The following SARDH variants were observed in gnomAD, a reference collection of about 807,000 sequenced individuals.
SARDH encodes the protein sarcosine dehydrogenase, also known as sarcosine dehydrogenase, mitochondrial.
Under a neutral mutation model 109.1 loss-of-function variants are expected in SARDH, and 95 were observed. That is an observed-to-expected ratio of 0.87 (90% CI 0.74 to 1.03). The LOEUF is 1.03. SARDH is among the 50% of genes least tolerant of loss of function. SARDH has a pLI of 0.00. For missense variants in SARDH, 1,267 were observed against 1,287.8 expected, an observed-to-expected ratio of 0.98 and a Z score of 0.25; for synonymous variants, 572 against 534.8, an observed-to-expected ratio of 1.07 and a Z score of -0.96.
At position 133,730,104 on chromosome 9, in the gene SARDH, C is replaced by T. The variant is rs769685530; in HGVS notation, c.774G>A (p.Gln258=). 1 of 1,614,234 alleles carries T rather than the reference C, an allele frequency of 6.2e-7. No individual in the cohort carries two copies. The highest frequency in any genetic ancestry group is 1.1e-5 in the South Asian group (1 of 91,088). The change falls in exon 5 of 21, where the codon CAG becomes CAA. Residue 258 remains glutamine, a synonymous_variant. Transcript: ENST00000439388. The part of the protein sequence containing the change: ...GVRRVAGVET[Q]HGSIQTPCVV... ...CGCAGGGTGTCTGGATGGAACCATG[C>T]TGAGTCTCCACACCCGCGACCCGCC...
Position 133,692,954 on chromosome 9 carries a change from G to A in SARDH, c.1921+1304C>T, listed in dbSNP as rs2131387878. Among the ~76,000 whole-genome samples, 1 of 152,088 alleles carries A rather than the reference G, an allele frequency of 6.6e-6. No individual in the cohort carries two copies. Among genetic ancestry groups the A allele is most frequent in the Middle Eastern group, 3.4e-3 (1 of 292 alleles). ...TCCGCCACCAGCCTCCAGACCGCAG[G>A]GCTCACCTCACTACTCCCTGCTTTT... is the stretch of plus-strand genomic sequence containing the variant. On this transcript the variant is annotated intron_variant, in intron 15 of 20. Transcript: ENST00000439388. The surrounding 1 kb of genome is among the most constrained non-coding windows in gnomAD (Gnocchi z 5.0).
At chr9:133,695,264 G>A (rs761546872) in intron 14 of SARDH, among the ~76,000 whole-genome samples, 8 of 152,060 alleles carry the variant, frequency 5.3e-5, no homozygotes, top group African/African-American at 9.7e-5. Flanking sequence ...CCAATATGGC[G>A]AAACCCCGTC....
At position 133,734,311 on chromosome 9, in the gene SARDH, TCTTGC is replaced by T. The variant is rs1832792354; in HGVS notation, c.-30-113_-30-109del. ...ATGGTGTTACCTCCCAGGGCCTTCC[TCTTGC>T]CACTTCCCCATGGCATTCATTCATT... is the stretch of plus-strand genomic sequence containing the variant. On this transcript the variant is annotated intron_variant, in intron 1 of 20. Transcript: ENST00000439388. 5.5e-5 allele frequency: 31 copies of T among 562,264 alleles called. No homozygotes were observed. The South Asian group carries it at 1.2e-3, about 21-fold the overall frequency. 34.8% of individuals were successfully genotyped at this position (562,264 alleles called of 1,614,324 possible). A position where few individuals can be genotyped will look rare whatever the true frequency, so the allele number is the denominator to read the frequency against.
chr9:133,694,599 C>T (rs550203981), intron 14 of SARDH, among the ~76,000 whole-genome samples: 2 of 152,332 alleles, frequency 1.3e-5, no homozygotes, highest in South Asian at 4.1e-4. Context: ...ATCCCATCAC[C>T]GTCACCCTTG....
chr9:133,668,307 C>CA (rs1346042533), intron 19 of SARDH, among the ~76,000 whole-genome samples: 11 of 134,186 alleles, frequency 8.2e-5, no homozygotes, highest in Non-Finnish European at 8.1e-5. Context: ...CCCTCTCCCT[C>CA]CCTCTCCCCC....
chr9:133,727,932 T>C (rs777595311), intron 6 of SARDH, among the ~76,000 whole-genome samples: 11 of 152,060 alleles, frequency 7.2e-5, no homozygotes, highest in Admixed American at 2.0e-4. Context: ...GTGGACATTC[T>C]GTGGCCACCC....
At position 133,732,496 on chromosome 9, in the gene SARDH, C is replaced by A; in HGVS notation, c.437G>T (p.Gly146Val). The A allele has an allele frequency of 6.2e-7, 1 of 1,613,824 alleles. No individual in the cohort carries two copies. The highest frequency in any genetic ancestry group is 8.5e-7 in the Non-Finnish European group (1 of 1,179,892). Residue 146 changes from glycine to valine, a missense_variant, in exon 3 of 21, where the codon GGC becomes GTC. Gly to Val is a moderately radical substitution (Grantham distance 109). Coordinates refer to ENST00000439388, the MANE Select transcript of SARDH (RefSeq NM_001134707.2). ...GAAGAGGCCCCCATTCTGGATCCAG[C>A]CCGTGTGTAGTCCCGTCTCCTCCTC... is the stretch of plus-strand genomic sequence containing the variant. Reference protein sequence around the residue: ...ELEEETGLHTGWIQNGGLFIA... With the variant: ...ELEEETGLHTVWIQNGGLFIA...
rs1306792414 is a variant in SARDH at position 133,709,306 on chromosome 9, G to A, written c.1329-878C>T. Among the ~76,000 whole-genome samples the A allele has an allele frequency of 1.3e-5, 2 of 152,080 alleles. No homozygotes were observed. The highest frequency in any genetic ancestry group is 2.4e-5 in the African/African-American group (1 of 41,404). ...GTGGGCAGAGCAATCAGTGCCCCGC[G>A]GCTTGTTCCCTGGTCTCCTCAGACC... is the stretch of plus-strand genomic sequence containing the variant. On this transcript the variant is annotated intron_variant, in intron 10 of 20. Transcript: ENST00000439388. The surrounding 1 kb of genome is among the most constrained non-coding windows in gnomAD (Gnocchi z 4.2).
intron 6 of SARDH, among the ~76,000 whole-genome samples, chr9:133,723,635 C>A (rs2502758): frequency 0.31 from 47,279 of 152,044 alleles, 7,664 homozygotes; most frequent in Non-Finnish European, 0.35. Flanking sequence ...TGGTAGCAGG[C>A]ACCTGTAGTC....
At chr9:133,671,005 T>C (rs2797843) in intron 18 of SARDH, among the ~76,000 whole-genome samples, 86,796 of 151,734 alleles carry the variant, frequency 0.57, 25,585 homozygotes, top group East Asian at 0.79. Context: ...GGGAGGGGCT[T>C]GTGAAGGGGG....
intron 6 of SARDH, among the ~76,000 whole-genome samples, chr9:133,721,528 A>G (rs1321607696): frequency 2.0e-5 from 3 of 152,146 alleles, no homozygotes; most frequent in Non-Finnish European, 2.9e-5. Flanking sequence ...TCCAGCGGGG[A>G]GGCGTGAAGA....
intron 11 of SARDH, 74 bp from the exon 12 acceptor site, chr9:133,705,105 G>T (rs894667109): frequency 1.3e-5 from 18 of 1,416,244 alleles, no homozygotes; most frequent in African/African-American, 2.8e-5. Context: ...AGCCACATCC[G>T]CCACTTTACA....
chr9:133,710,220 G>A (rs1831865694), intron 10 of SARDH, among the ~76,000 whole-genome samples: 1 of 152,254 alleles, frequency 6.6e-6, no homozygotes, highest in African/African-American at 2.4e-5. Context: ...CGCTCCAAGA[G>A]GGTGGTACAT....
chr9:133,695,027 T>TC (rs999810458), intron 14 of SARDH, among the ~76,000 whole-genome samples: 6 of 151,970 alleles, frequency 3.9e-5, no homozygotes, highest in Non-Finnish European at 5.9e-5. Context: ...TTGAATTGTG[T>TC]CCCCCACAAA....
At chr9:133,672,401 A>T (rs527986020) in intron 17 of SARDH, among the ~76,000 whole-genome samples, 50 of 152,356 alleles carry the variant, frequency 3.3e-4, no homozygotes, top group Non-Finnish European at 6.0e-4. Context: ...GGGGGTCACC[A>T]TTCAGTCCAC....
chr9:133,700,726 C>T (rs1366307313), intron 13 of SARDH, among the ~76,000 whole-genome samples: 3 of 127,394 alleles, frequency 2.4e-5, no homozygotes, highest in Non-Finnish European at 5.1e-5. Context: ...CACACACACA[C>T]ACACGCACGC....
chr9:133,662,683 G>A (rs967904298), downstream of SARDH, among the ~76,000 whole-genome samples: 1 of 152,220 alleles, frequency 6.6e-6, no homozygotes, highest in African/African-American at 2.4e-5. The surrounding 1 kb of genome is among the most constrained non-coding windows in gnomAD (Gnocchi z 5.1). Context: ...GTGGCAGCTG[G>A]GGCCTGCCAG....
downstream of SARDH, among the ~76,000 whole-genome samples, chr9:133,659,800 C>T (rs374898242): frequency 3.3e-5 from 5 of 152,168 alleles, no homozygotes; most frequent in South Asian, 4.1e-4. Flanking sequence ...AGAGCCACTC[C>T]GGCCCTCTGT....
Position 133,686,769 on chromosome 9 carries a change from C to T in SARDH, c.2070-1483G>A, listed in dbSNP as rs1830901052. Among the ~76,000 whole-genome samples, 1 of 152,192 alleles carries T rather than the reference C, an allele frequency of 6.6e-6. No individual in the cohort carries two copies. Among genetic ancestry groups the T allele is most frequent in the African/African-American group, 2.4e-5 (1 of 41,438 alleles). ...GACCCTAATCCCAATCGTCACAGTG[C>T]TGGGAGCCGCCACCCACGTCAGCCT... On this transcript the variant is annotated intron_variant, in intron 16 of 20. Coordinates refer to ENST00000439388, the MANE Select transcript of SARDH (RefSeq NM_001134707.2). The surrounding 1 kb of genome is among the most constrained non-coding windows in gnomAD (Gnocchi z 4.0).
Sources: allele counts gnomAD v4.1 joint callset (sites outside exome capture counted in the v4.1 genomes callset), GRCh38; gene constraint gnomAD v4.1.1; non-coding constraint Gnocchi (gnomAD v3.1); transcripts MANE v1.5; gene names NCBI Gene and HGNC (gene_info 2026-07-23, HGNC 2026-07-21).